The following PKD1L1 variants were observed in gnomAD, a reference collection of about 807,000 sequenced individuals.
PKD1L1 encodes polycystin-1-like protein 1.
In PKD1L1, 236 loss-of-function variants were observed where a neutral mutation model predicts 323.4. The ratio of observed to expected loss-of-function variants is 0.73; its 90% CI spans 0.66 to 0.81. The LOEUF is 0.81. PKD1L1 is among the 40% of genes least tolerant of loss of function. PKD1L1 has a pLI of 0.00. For synonymous variants in PKD1L1, 1,344 were observed against 1,335.0 expected, an observed-to-expected ratio of 1.01 and a Z score of -0.15; for missense variants, 3,320 against 3,508.0, an observed-to-expected ratio of 0.95 and a Z score of 1.35.
At chr7:47,853,946 T>C (rs976753691) in intron 30 of PKD1L1, among the ~76,000 whole-genome samples, 7 of 152,186 alleles carry the variant, frequency 4.6e-5, no homozygotes, top group Non-Finnish European at 8.8e-5. Flanking sequence ...TACCGTAACC[T>C]GTTTGCAGAT....
At chr7:47,880,276 A>ATTTTTTTTTTTTTTTT (rs1786517544) in intron 21 of PKD1L1, among the ~76,000 whole-genome samples, 1 of 74,790 alleles carries the variant, frequency 1.3e-5, no homozygotes, top group African/African-American at 7.0e-5. Context: ...ATATATATAT[A>ATTTTTTTTTTTTTTTT]TATATATATT....
In PKD1L1 at chr7:47,948,458, C is replaced by G. The variant is rs1300698801; in HGVS notation, c.-18G>C. 6 of 1,613,756 alleles carry G rather than the reference C, an allele frequency of 3.7e-6. No homozygotes were observed. Among genetic ancestry groups the G allele is most frequent in the Non-Finnish European group, 5.1e-6 (6 of 1,179,950 alleles). On this transcript the variant is annotated 5_prime_UTR_variant, in exon 1 of 57. Transcript: ENST00000289672. The stretch of plus-strand genomic sequence containing the variant: ...TCGGCCATGTCCTGTGCAAGCTGGT[C>G]ACAAGTATGACAGTCAGCAGACCAG...
chr7:47,922,098 G>C (rs924545263), intron 7 of PKD1L1, among the ~76,000 whole-genome samples: 2 of 152,224 alleles, frequency 1.3e-5, no homozygotes, highest in African/African-American at 4.8e-5. Context: ...TTTTTTGGTG[G>C]AGACGGGGTT....
Position 47,821,105 on chromosome 7 carries a change from G to A in PKD1L1, c.6936C>T (p.Leu2312=), listed in dbSNP as rs1190048957. The A allele has an allele frequency of 6.2e-7, 1 of 1,602,830 alleles. No homozygotes were observed. The highest frequency in any genetic ancestry group is 1.7e-5 in the Admixed American group (1 of 60,004). ...YGRFSQDEYS[L]NQAIRKEFTR... The stretch of plus-strand genomic sequence containing the variant: ...TAAATTCTTTCCGGATAGCTTGATT[G>A]AGGGAGTATTCATCTTGGGAAAATC... The change falls in exon 46 of 57, where the codon CTC becomes CTT. Residue 2312 remains leucine, a synonymous_variant. Transcript: ENST00000289672.
At chr7:47,949,843 T>C (rs1788178062), upstream of PKD1L1, among the ~76,000 whole-genome samples, 4 of 152,246 alleles carry the variant, frequency 2.6e-5, no homozygotes, top group Admixed American at 2.6e-4. Flanking sequence ...TCCTGTGTTT[T>C]CTGGAACTTT....
chr7:47,943,604 T>C (rs1037399250), intron 1 of PKD1L1, 93 bp from the exon 2 acceptor site: 61 of 989,580 alleles, frequency 6.2e-5, no homozygotes, highest in African/African-American at 4.8e-5. Context: ...CATATCCATA[T>C]TTCTGCCACA....
chr7:47,858,662 G>T lies in PKD1L1; in HGVS notation c.4362+11C>A. On this transcript the variant is annotated intron_variant, in intron 27 of 56. Coordinates refer to ENST00000289672, the MANE Select transcript of PKD1L1 (RefSeq NM_138295.5). ...CAGTATTTTTATGGATGGAGAAAAA[G>T]TGTGACTTACCAACAATAAATCTGA... 4 of 1,600,244 alleles carry T rather than the reference G, an allele frequency of 2.5e-6. No homozygotes were observed. The highest frequency in any genetic ancestry group is 3.4e-6 in the Non-Finnish European group (4 of 1,167,478).
chr7:47,855,100 A>C (rs1785868392), intron 29 of PKD1L1, 55 bp downstream of exon 29: 1 of 1,608,442 alleles, frequency 6.2e-7, no homozygotes, highest in African/African-American at 1.3e-5. Context: ...AACACATTAA[A>C]AATCAGCCAG....
chr7:47,896,035 T>G (rs765804725), intron 14 of PKD1L1, among the ~76,000 whole-genome samples: 1 of 152,214 alleles, frequency 6.6e-6, no homozygotes, highest in Non-Finnish European at 1.5e-5. Flanking sequence ...GGTATCTTAT[T>G]GTCATAAAGA....
intron 2 of PKD1L1, among the ~76,000 whole-genome samples, chr7:47,943,162 AAATAT>A (rs1368348519): frequency 1.1e-3 from 25 of 22,624 alleles, no homozygotes; most frequent in South Asian, 3.6e-3. Context: ...AAAAAAAAAA[AAATAT>A]ATATATATAT....
intron 53 of PKD1L1, among the ~76,000 whole-genome samples, chr7:47,802,139 C>A (rs180878340): frequency 6.7e-6 from 1 of 149,238 alleles, no homozygotes; most frequent in Admixed American, 6.8e-5. Context: ...TTGCAGTGAG[C>A]CGAGATTGCA....
rs1011127422 is a variant in PKD1L1 at position 47,902,421 on chromosome 7, G to A, written c.2022C>T (p.Cys674=). Residue 674 remains cysteine, a synonymous_variant, in exon 13 of 57, where the codon TGC becomes TGT. Transcript: ENST00000289672. Reference sequence around the variant, plus strand: ...CCATGTTCTTCACCAGGGGTGGCTGGCAGGGCTCGCACACGATGAAAAGTT... The same window carrying A: ...CCATGTTCTTCACCAGGGGTGGCTGACAGGGCTCGCACACGATGAAAAGTT... ...RQQLFIVCEP[C]QPPLVKNMGP... The A allele has an allele frequency of 6.2e-7, 1 of 1,614,138 alleles. No individual in the cohort carries two copies. Among genetic ancestry groups the A allele is most frequent in the South Asian group, 1.1e-5 (1 of 91,084 alleles).
chr7:47,880,282 A>ATTTTTTTTTTTT (rs1309864473), intron 21 of PKD1L1, among the ~76,000 whole-genome samples: 40 of 69,692 alleles, frequency 5.7e-4, no homozygotes, highest in Non-Finnish European at 7.4e-4. Context: ...ATATATATAT[A>ATTTTTTTTTTTT]TATTTTTTTT....
At chr7:47,892,436 A>G (rs1786840817) in intron 15 of PKD1L1, among the ~76,000 whole-genome samples, 1 of 152,162 alleles carries the variant, frequency 6.6e-6, no homozygotes, top group African/African-American at 2.4e-5. Context: ...AGGTCACATC[A>G]TCCTCACTGG....
chr7:47,819,355 T>C (rs1562945301), intron 46 of PKD1L1: 4 of 348,148 alleles, frequency 1.1e-5, no homozygotes, highest in East Asian at 2.1e-4. Context: ...GATTTGAATA[T>C]CAAGAAGCAA....
rs1193073166 is a variant in PKD1L1, at chr7:47,905,289, G to A, written c.1559C>T (p.Thr520Ile). ...SVYTNGTVFA[T>I]DTDITFTAVT... is the part of the protein sequence containing the mutation. ...AGCTGTAAATGTAATGTCTGTGTCT[G>A]TGGCAAACACAGTTCCATTTGTGTA... Residue 520 changes from threonine (T) to isoleucine (I), a missense_variant, in exon 11 of 57, where the codon ACA becomes ATA. Coordinates refer to ENST00000289672, the MANE Select transcript of PKD1L1 (RefSeq NM_138295.5). The A allele has an allele frequency of 1.9e-6, 3 of 1,613,978 alleles. No homozygotes were observed. The highest frequency in any genetic ancestry group is 2.2e-5 in the East Asian group (1 of 44,888).
rs2128758950 is a variant in PKD1L1, at chr7:47,942,969, AC to A, written c.160+426del. ...AGACCATCCTGGCTAACACGGTGAA[AC>A]CCTGTCTCTACCAAAAATACAAAAA... On this transcript the variant is annotated intron_variant, in intron 2 of 56. Coordinates refer to ENST00000289672, the MANE Select transcript of PKD1L1 (RefSeq NM_138295.5). Among the ~76,000 whole-genome samples, 3 of 152,006 alleles carry A rather than the reference AC, an allele frequency of 2.0e-5. 1 individual carries two copies. In the South Asian group the frequency reaches 6.2e-4, roughly 32 times the overall value.
At chr7:47,937,058 C>A in intron 3 of PKD1L1, 100 bp from the exon 4 acceptor site, 1 of 886,414 alleles carries the variant, frequency 1.1e-6, no homozygotes, top group Non-Finnish European at 1.8e-6. Flanking sequence ...AGCAGTGGAC[C>A]CCTGCTGTGC....
chr7:47,937,783 G>A (rs746477208), intron 3 of PKD1L1, among the ~76,000 whole-genome samples: 8 of 152,154 alleles, frequency 5.3e-5, no homozygotes, highest in Non-Finnish European at 1.0e-4. Context: ...TGCTCGGCCT[G>A]TGCACACTGA....
Sources: allele counts gnomAD v4.1 joint callset (sites outside exome capture counted in the v4.1 genomes callset), GRCh38; gene constraint gnomAD v4.1.1; transcripts MANE v1.5; gene names NCBI Gene and HGNC (gene_info 2026-07-23, HGNC 2026-07-21).